Variants in ITPKB observed in about 807,000 individuals in gnomAD.
The protein encoded by ITPKB is inositol-trisphosphate 3-kinase B.
Under a neutral mutation model 69.4 loss-of-function variants are expected in ITPKB, and 13 were observed. That is an observed-to-expected ratio of 0.19 (90% confidence interval 0.12 to 0.30). The LOEUF (loss-of-function observed/expected upper bound fraction) is 0.30. Among genes scored for constraint, ITPKB ranks in the 10% least tolerant of loss-of-function variants. The pLI, the probability that ITPKB is intolerant of heterozygous loss-of-function variation, is 1.00. For missense variants in ITPKB, 1,240 were observed against 1,250.5 expected, an observed-to-expected ratio of 0.99 and a Z score of 0.13; for synonymous variants, 584 against 513.7, an observed-to-expected ratio of 1.14 and a Z score of -1.85.
intron 2 of ITPKB, among the ~76,000 whole-genome samples, chr1:226,662,187 T>A (rs1669415393): frequency 6.6e-6 from 1 of 152,182 alleles, no homozygotes; most frequent in Admixed American, 6.5e-5. Context: ...GAGACTGAGC[T>A]GAGCAACAGG....
chr1:226,733,258 CA>C (rs1178484870), intron 2 of ITPKB, among the ~76,000 whole-genome samples: 1 of 152,080 alleles, frequency 6.6e-6, no homozygotes, highest in African/African-American at 2.4e-5. Context: ...CAGCAAAGTC[CA>C]GAAAAGAGAA....
At chr1:226,734,474 A>T (rs1398496295) in intron 2 of ITPKB, among the ~76,000 whole-genome samples, 2 of 152,214 alleles carry the variant, frequency 1.3e-5, no homozygotes, top group Non-Finnish European at 2.9e-5. Context: ...TCAAGATGAA[A>T]TCGGAAGGCT....
intron 2 of ITPKB, among the ~76,000 whole-genome samples, chr1:226,670,888 T>C (rs1473865631): frequency 1.3e-5 from 2 of 152,228 alleles, no homozygotes; most frequent in Non-Finnish European, 2.9e-5. Flanking sequence ...GTTATGATGA[T>C]ACCTATTCTT....
chr1:226,654,763 C>T lies in ITPKB; in HGVS notation c.1933-5992G>A, dbSNP rs1324090083. On this transcript the variant is annotated intron_variant, in intron 2 of 7. Transcript: ENST00000429204. Reference sequence around the variant, plus strand: ...GTGACGCCATCCTCCCCGGGTCCTTCCCATCAGGCATCCTCAGTCATGCTG... The same window carrying T: ...GTGACGCCATCCTCCCCGGGTCCTTTCCATCAGGCATCCTCAGTCATGCTG... 2.6e-5 allele frequency among the ~76,000 whole-genome samples: 4 copies of T among 152,340 alleles called. No individual in the cohort carries two copies. The South Asian group carries it at 6.2e-4, about 24-fold the overall frequency.
chr1:226,735,548 C>G lies in ITPKB; in HGVS notation c.1911G>C (p.Leu637=). The change falls in exon 2 of 8, where the codon CTG becomes CTC. Residue 637 remains leucine (L), a synonymous_variant. Transcript: ENST00000429204. ...TTACCACTCTAGGTTTCTGCTGGTC[C>G]AGGGTATGCAGGAAGGCTGAGTTGG... The part of the protein sequence containing the change: ...LDPNSAFLHT[L]DQQKPRVSKS... The G allele has an allele frequency of 1.3e-6, 2 of 1,532,560 alleles. No homozygotes were observed. Among genetic ancestry groups the G allele is most frequent in the Non-Finnish European group, 1.8e-6 (2 of 1,138,874 alleles). 94.9% of individuals were successfully genotyped at this position (1,532,560 alleles called of 1,614,324 possible). A position where few individuals can be genotyped will look rare whatever the true frequency, so the allele number is the denominator to read the frequency against.
intron 2 of ITPKB, among the ~76,000 whole-genome samples, chr1:226,733,129 T>C (rs1329710508): frequency 1.3e-5 from 2 of 152,102 alleles, no homozygotes; most frequent in African/African-American, 2.4e-5. Context: ...GGGGAACCTG[T>C]GTGAGCATAG....
At chr1:226,685,444 T>C (rs1006335104) in intron 2 of ITPKB, among the ~76,000 whole-genome samples, 1 of 152,064 alleles carries the variant, frequency 6.6e-6, no homozygotes, top group African/African-American at 2.4e-5. Flanking sequence ...GAATCATCTT[T>C]CCCTCCCTGT....
chr1:226,679,601 GAAGA>G lies in ITPKB; in HGVS notation c.1933-30834_1933-30831del, dbSNP rs1457672058. ...CCTCCCTTTTGAACTGATGTTGAAA[GAAGA>G]AAGACGATAAAAGAAGGTTTTCCTC... On this transcript the variant is annotated intron_variant, in intron 2 of 7. Transcript: ENST00000429204. 7.2e-5 allele frequency among the ~76,000 whole-genome samples: 11 copies of G among 152,290 alleles called. No individual in the cohort carries two copies. The East Asian group carries it at 1.7e-3, about 24-fold the overall frequency.
chr1:226,637,102 T>C lies in ITPKB; in HGVS notation c.2625+577A>G, dbSNP rs562454488. On this transcript the variant is annotated intron_variant, in intron 7 of 7. Coordinates refer to ENST00000429204, the MANE Select transcript of ITPKB (RefSeq NM_002221.4). This position sits in a 1 kb window ranked among gnomAD's most constrained non-coding sequence, Gnocchi z 4.3. ...TGTGAATGTGTGTGTGAATGTGTCA[T>C]GTGGCTGGGGACCTGGACTCCCCAT... 3.2e-4 allele frequency among the ~76,000 whole-genome samples: 48 copies of C among 152,240 alleles called. No homozygotes were observed. The South Asian group carries it at 9.7e-3, about 31-fold the overall frequency.
At chr1:226,697,718 G>C (rs367711353) in intron 2 of ITPKB, among the ~76,000 whole-genome samples, 1 of 152,230 alleles carries the variant, frequency 6.6e-6, no homozygotes, top group Non-Finnish European at 1.5e-5. Context: ...GGTGAAGACA[G>C]TGGGGACCTG....
At chr1:226,689,611 G>GCA (rs1656301020) in intron 2 of ITPKB, among the ~76,000 whole-genome samples, 2 of 146,700 alleles carry the variant, frequency 1.4e-5, no homozygotes, top group Non-Finnish European at 3.0e-5. Context: ...GTGTGTGTGT[G>GCA]TGCATGCATA....
intron 2 of ITPKB, among the ~76,000 whole-genome samples, chr1:226,723,109 G>A (rs562556759): frequency 1.3e-5 from 2 of 152,288 alleles, no homozygotes; most frequent in South Asian, 4.1e-4. Context: ...ATCCTGCATG[G>A]GTTCCAGTAG....
rs1366467333 is a variant in ITPKB at position 226,738,993 on chromosome 1, AAGAGGGTTGTTC to A, written c.-206+36_-206+47del. The A allele has an allele frequency of 2.0e-5, 3 of 152,338 alleles. No homozygotes were observed. Among genetic ancestry groups the A allele is most frequent in the African/African-American group, 7.2e-5 (3 of 41,472 alleles). The allele number at this position is 152,338 out of a possible 1,614,324, so 9.4% of individuals were successfully genotyped here. ...CGCTCCAGAGCAGAAAGTGAGGGAA[AAGAGGGTTGTTC>A]AGAGGCGAGAGCCATTAAAAGGCCG... On this transcript the variant is annotated intron_variant, in intron 1 of 7. Coordinates refer to ENST00000429204, the MANE Select transcript of ITPKB (RefSeq NM_002221.4). The surrounding 1 kb of genome is among the most constrained non-coding windows in gnomAD (Gnocchi z 4.2).
chr1:226,717,575 G>C (rs1466232369), intron 2 of ITPKB, among the ~76,000 whole-genome samples: 1 of 152,176 alleles, frequency 6.6e-6, no homozygotes, highest in Non-Finnish European at 1.5e-5. Flanking sequence ...CTCTGCATCT[G>C]CTTCTTTGTT....
chr1:226,737,620 C>G lies in ITPKB; in HGVS notation c.-162G>C, dbSNP rs893606704. ...CTGGGCAGCGGGCTGGGGGCACGAC[C>G]GCGGGCTCAGCCCCCGCCCAAAGCT... On this transcript the variant is annotated 5_prime_UTR_variant, in exon 2 of 8. Coordinates refer to ENST00000429204, the MANE Select transcript of ITPKB (RefSeq NM_002221.4). 8 of 1,133,460 alleles carry G rather than the reference C, an allele frequency of 7.1e-6. No individual in the cohort carries two copies. The highest frequency in any genetic ancestry group is 8.6e-6 in the Non-Finnish European group (8 of 926,634). 70.2% of individuals were successfully genotyped at this position (1,133,460 alleles called of 1,614,324 possible).
At position 226,642,075 on chromosome 1, in the gene ITPKB, C is replaced by T. The variant is rs1668974404; in HGVS notation, c.2297G>A (p.Arg766Gln). The stretch of plus-strand genomic sequence containing the variant: ...GATCATCTTCTGGTACATGTCCTTC[C>T]GCAGGCTGGGCTTCTTCCGGGCCTT... ...LTKARKKPSL[R>Q]KDMYQKMIEV... The change falls in exon 5 of 8, where the codon CGG becomes CAG. Residue 766 changes from arginine to glutamine, a missense_variant. Around this residue, in one of 2 missense-constraint regions of ITPKB, gnomAD observed 248 missense variants for 396.7 expected, o/e 0.63. Transcript: ENST00000429204. The surrounding 1 kb of genome is among the most constrained non-coding windows in gnomAD (Gnocchi z 6.4). The T allele has an allele frequency of 6.2e-7, 1 of 1,614,132 alleles. No homozygotes were observed. The highest frequency in any genetic ancestry group is 8.5e-7 in the Non-Finnish European group (1 of 1,180,040).
rs1668982320 is a variant in ITPKB at position 226,642,508 on chromosome 1, C to T, written c.2247-383G>A. 6.6e-6 allele frequency among the ~76,000 whole-genome samples: 1 copy of T among 152,058 alleles called. No homozygotes were observed. The highest frequency in any genetic ancestry group is 1.5e-5 in the Non-Finnish European group (1 of 68,020). ...ATCCAGGAGAAAAGGTGCAGCCTCA[C>T]TGAATCGGACTGCCTTCACTTTCAC... On this transcript the variant is annotated intron_variant, in intron 4 of 7. Transcript: ENST00000429204. This position sits in a 1 kb window ranked among gnomAD's most constrained non-coding sequence, Gnocchi z 6.4.
intron 2 of ITPKB, among the ~76,000 whole-genome samples, chr1:226,651,018 C>T (rs1486526821): frequency 2.6e-5 from 4 of 152,164 alleles, no homozygotes; most frequent in Non-Finnish European, 4.4e-5. Flanking sequence ...CAGGAGGAGG[C>T]AAATGAGCAT....
chr1:226,664,204 T>C (rs1263335771), intron 2 of ITPKB, among the ~76,000 whole-genome samples: 1 of 152,234 alleles, frequency 6.6e-6, no homozygotes. Flanking sequence ...CTGAAAAATG[T>C]ATTCTGGAAT....
Sources: allele counts gnomAD v4.1 joint callset (sites outside exome capture counted in the v4.1 genomes callset), GRCh38; gene constraint gnomAD v4.1.1; regional missense constraint gnomAD v4.1.1; non-coding constraint Gnocchi (gnomAD v3.1); transcripts MANE v1.5; gene names NCBI Gene and HGNC (gene_info 2026-07-23, HGNC 2026-07-21).